Variants in RAD51 observed in about 807,000 individuals in gnomAD.
RAD51 encodes the protein RAD51 recombinase.
A neutral mutation model predicts 41.5 loss-of-function variants in RAD51; 14 were observed. The ratio of observed to expected loss-of-function variants is 0.34; its 90% CI spans 0.22 to 0.53. RAD51 has a LOEUF of 0.53. Among genes scored for constraint, RAD51 ranks in the 20% least tolerant of loss-of-function variants. The pLI is 0.95. For synonymous variants in RAD51, 136 were observed against 148.6 expected (o/e 0.92, Z 0.62); for missense variants, 234 against 422.0 (o/e 0.55, Z 3.90).
chr15:40,703,909 T>G (rs1371198572), intron 3 of RAD51, among the ~76,000 whole-genome samples: 1 of 152,028 alleles, frequency 6.6e-6, no homozygotes, highest in Non-Finnish European at 1.5e-5. Flanking sequence ...ATGATTTATC[T>G]TTTTTATTTT....
chr15:40,695,793 T>C (rs1472057001), intron 1 of RAD51: 1 of 152,238 alleles, frequency 6.6e-6, no homozygotes, highest in Admixed American at 6.5e-5. Flanking sequence ...AATCTCCGAT[T>C]GCCAAAACAG....
At chr15:40,726,804 T>C (rs1035234097) in intron 6 of RAD51, among the ~76,000 whole-genome samples, 1 of 151,304 alleles carries the variant, frequency 6.6e-6, no homozygotes, top group Non-Finnish European at 1.5e-5. Flanking sequence ...TCCCAGCTAC[T>C]CGGGAGGCTG....
Position 40,695,422 on chromosome 15 carries a change from C to A in RAD51, c.-6C>A, listed in dbSNP as rs1429458280. 1.3e-5 allele frequency: 2 copies of A among 152,598 alleles called. No individual in the cohort carries two copies. Among genetic ancestry groups the A allele is most frequent in the African/African-American group, 4.8e-5 (2 of 41,454 alleles). 9.5% of individuals were successfully genotyped at this position (152,598 alleles called of 1,614,324 possible). A position where few individuals can be genotyped will look rare whatever the true frequency, so the allele number is the denominator to read the frequency against. On this transcript the variant is annotated 5_prime_UTR_variant, in exon 1 of 10. Transcript: ENST00000267868. Reference sequence around the variant, plus strand: ...TGCTGGAGAGAGGAGCGCTGCGGACCGAGGTGAGTGTGTGAGGCGCAGGCT... The same window carrying A: ...TGCTGGAGAGAGGAGCGCTGCGGACAGAGGTGAGTGTGTGAGGCGCAGGCT...
intron 4 of RAD51, among the ~76,000 whole-genome samples, chr15:40,708,598 T>C (rs1013716260): frequency 4.6e-5 from 7 of 151,824 alleles, no homozygotes; most frequent in African/African-American, 1.7e-4. Context: ...TGTTTGTTTG[T>C]TTTGAAACAG....
intron 3 of RAD51, among the ~76,000 whole-genome samples, chr15:40,703,492 G>C (rs45504103): frequency 9.6e-4 from 146 of 152,206 alleles, no homozygotes; most frequent in Non-Finnish European, 1.8e-3. Context: ...TAAACATTAT[G>C]AAAGTTTAAT....
chr15:40,724,543 C>G (rs1454304008), intron 6 of RAD51, among the ~76,000 whole-genome samples: 1 of 151,960 alleles, frequency 6.6e-6, no homozygotes, highest in East Asian at 1.9e-4. Flanking sequence ...TCTCACTCTG[C>G]CCCCACTAGA....
chr15:40,729,536 G>A lies in RAD51; in HGVS notation c.676G>A (p.Ala226Thr), dbSNP rs1249471221. ...YALLIVDSAT[A>T]LYRTDYSGRG... ...ACTGCTTATTGTAGACAGTGCCACCGCCCTTTACAGAACAGACTACTCGGG... is the reference window on the plus strand; with the variant it reads ...ACTGCTTATTGTAGACAGTGCCACCACCCTTTACAGAACAGACTACTCGGG... The change falls in exon 8 of 10, where the codon GCC becomes ACC. Residue 226 changes from alanine (A) to threonine (T), a missense_variant. Transcript: ENST00000267868. 1 of 1,613,892 alleles carries A rather than the reference G, an allele frequency of 6.2e-7. No individual in the cohort carries two copies. The highest frequency in any genetic ancestry group is 8.5e-7 in the Non-Finnish European group (1 of 1,179,888).
In RAD51 at chr15:40,729,986, A is replaced by T; in HGVS notation, c.896+12A>T. Reference sequence around the variant, plus strand: ...GCATCAACAACCAGGTAAGGTGTTGATGGGATCAGTTCTTCTTTTCGGAAT... The same window carrying T: ...GCATCAACAACCAGGTAAGGTGTTGTTGGGATCAGTTCTTCTTTTCGGAAT... On this transcript the variant is annotated intron_variant, in intron 9 of 9. Transcript: ENST00000267868. 7 of 1,613,824 alleles carry T rather than the reference A, an allele frequency of 4.3e-6. No homozygotes were observed. The highest frequency in any genetic ancestry group is 5.9e-6 in the Non-Finnish European group (7 of 1,179,712).
At chr15:40,725,196 G>T (rs939877095) in intron 6 of RAD51, among the ~76,000 whole-genome samples, 1 of 152,008 alleles carries the variant, frequency 6.6e-6, no homozygotes, top group African/African-American at 2.4e-5. Context: ...ACCGTGCCTG[G>T]CCTATTTCTT....
At chr15:40,700,967 TC>T in intron 2 of RAD51, 96 bp from the exon 3 acceptor site, 1 of 1,387,308 alleles carries the variant, frequency 7.2e-7, no homozygotes, top group Non-Finnish European at 1.0e-6. Context: ...GTATTACAAG[TC>T]TTCAAGCACC....
At chr15:40,716,453 C>T (rs559428237) in intron 5 of RAD51, among the ~76,000 whole-genome samples, 1 of 152,030 alleles carries the variant, frequency 6.6e-6, no homozygotes, top group African/African-American at 2.4e-5. Context: ...GCACCCTCCG[C>T]CTCCCAGGTT....
intron 4 of RAD51, among the ~76,000 whole-genome samples, chr15:40,708,133 T>C (rs1895472255): frequency 6.7e-6 from 1 of 149,290 alleles, no homozygotes; most frequent in Non-Finnish European, 1.5e-5. Flanking sequence ...TTCTTCTGCC[T>C]CCGCCTCCCG....
At chr15:40,695,492 G>A (rs1322999784) in intron 1 of RAD51, 67 bp downstream of exon 1, 1 of 152,354 alleles carries the variant, frequency 6.6e-6, no homozygotes, top group Admixed American at 6.5e-5. Context: ...CTGCGTCCTG[G>A]CCGGTCCAGT....
Position 40,706,230 on chromosome 15 carries a change from C to T in RAD51, c.279C>T (p.His93=). 2 of 1,614,164 alleles carry T rather than the reference C, an allele frequency of 1.2e-6. No individual in the cohort carries two copies. The highest frequency in any genetic ancestry group is 1.3e-5 in the African/African-American group (1 of 75,036). Residue 93 remains histidine (H), a synonymous_variant, in exon 4 of 10, where the codon CAC becomes CAT. Coordinates refer to ENST00000267868, the MANE Select transcript of RAD51 (RefSeq NM_002875.5). ...PMGFTTATEF[H]QRRSEIIQIT... is the part of the protein sequence containing the mutation. ...GTTTCACCACTGCAACTGAATTCCA[C>T]CAAAGGCGGTCAGAGATCATACAGA...
chr15:40,729,153 A>G (rs996117598), intron 7 of RAD51, among the ~76,000 whole-genome samples: 1 of 152,070 alleles, frequency 6.6e-6, no homozygotes, highest in African/African-American at 2.4e-5. Context: ...CGGGTGGATC[A>G]CAAGGTCAGG....
intron 5 of RAD51, among the ~76,000 whole-genome samples, chr15:40,716,761 C>T (rs1053157882): frequency 1.3e-5 from 2 of 148,986 alleles, no homozygotes; most frequent in Non-Finnish European, 3.0e-5. Context: ...CCCAGGTTCA[C>T]GCCATTCTCC....
chr15:40,714,352 T>C lies in RAD51; in HGVS notation c.436-4453T>C, dbSNP rs551728429. On this transcript the variant is annotated intron_variant, in intron 5 of 9. Coordinates refer to ENST00000267868, the MANE Select transcript of RAD51 (RefSeq NM_002875.5). Reference sequence around the variant, plus strand: ...CATTTGACATGATATGTGACCTTTTTAAATAGAAATGTTTTCCCATGTTTT... The same window carrying C: ...CATTTGACATGATATGTGACCTTTTCAAATAGAAATGTTTTCCCATGTTTT... 7.2e-5 allele frequency among the ~76,000 whole-genome samples: 11 copies of C among 152,356 alleles called. No homozygotes were observed. The South Asian group carries it at 1.7e-3, about 23-fold the overall frequency.
intron 5 of RAD51, among the ~76,000 whole-genome samples, chr15:40,709,646 T>C (rs1232346963): frequency 3.3e-5 from 5 of 152,218 alleles, no homozygotes; most frequent in African/African-American, 1.2e-4. Flanking sequence ...GTGCTGGAAT[T>C]ATAGGCGTAA....
intron 9 of RAD51, among the ~76,000 whole-genome samples, chr15:40,730,442 T>A (rs1896809147): frequency 6.6e-6 from 1 of 151,290 alleles, no homozygotes; most frequent in Non-Finnish European, 1.5e-5. Flanking sequence ...AATTCGAGGC[T>A]GTATTGAGCT....
Sources: gnomAD v4.1 joint callset for allele counts (sites outside exome capture counted in the v4.1 genomes callset) on GRCh38, gnomAD v4.1.1 for gene constraint, MANE v1.5 for transcripts, NCBI Gene and HGNC (gene_info 2026-07-23, HGNC 2026-07-21) for gene names.